The following PTPRA variants were observed in gnomAD, a reference collection of about 807,000 sequenced individuals.
PTPRA encodes the protein receptor-type tyrosine-protein phosphatase alpha.
A neutral mutation model predicts 104.8 loss-of-function variants in PTPRA; 25 were observed. The ratio of observed to expected loss-of-function variants is 0.24; its 90% CI spans 0.17 to 0.33. The LOEUF (loss-of-function observed/expected upper bound fraction) is 0.33. PTPRA is among the 10% of genes least tolerant of loss of function. PTPRA has a pLI of 1.00. For missense variants in PTPRA, 765 were observed against 1,015.3 expected (o/e 0.75, Z 3.35); for synonymous variants, 323 against 368.9 (o/e 0.88, Z 1.43).
At chr20:2,910,143 C>G (rs2147207484) in intron 1 of PTPRA, among the ~76,000 whole-genome samples, 2 of 100,232 alleles carry the variant, frequency 2.0e-5, no homozygotes, top group Non-Finnish European at 3.7e-5. Flanking sequence ...TATATAACAT[C>G]ATATATACTA....
At chr20:2,935,129 T>G (rs144415745) in intron 2 of PTPRA, among the ~76,000 whole-genome samples, 2 of 152,314 alleles carry the variant, frequency 1.3e-5, no homozygotes, top group African/African-American at 4.8e-5. Context: ...TTTGTGTCCT[T>G]TGTTCAGTAT....
rs1187486278 is a variant in PTPRA at position 2,895,072 on chromosome 20, G to GTTAT, written c.-129+21331_-129+21334dup. On this transcript the variant is annotated intron_variant, in intron 1 of 23. Coordinates refer to ENST00000399903, the MANE Select transcript of PTPRA (RefSeq NM_001385305.1). ...AGCCTAAATAACTATACTATTACTT[G>GTTAT]TTATTTATTTATTTATTTATTTTAG... Among the ~76,000 whole-genome samples, 949 of 151,252 alleles carry GTTAT rather than the reference G, an allele frequency of 6.3e-3. 9 individuals carry two copies. Among genetic ancestry groups the GTTAT allele is most frequent in the African/African-American group, 0.021 (880 of 41,216 alleles).
At chr20:2,965,487 C>T (rs1382133195) in intron 5 of PTPRA, among the ~76,000 whole-genome samples, 1 of 151,978 alleles carries the variant, frequency 6.6e-6, no homozygotes, top group Non-Finnish European at 1.5e-5. Flanking sequence ...AATAGAGGAG[C>T]TCATTGACGA....
intron 20 of PTPRA, among the ~76,000 whole-genome samples, chr20:3,030,859 T>C (rs888413163): frequency 6.6e-6 from 1 of 151,946 alleles, no homozygotes; most frequent in Admixed American, 6.6e-5. Context: ...CTAATTTCCA[T>C]AGTAGAGACA....
intron 1 of PTPRA, among the ~76,000 whole-genome samples, chr20:2,919,701 G>A (rs1310049978): frequency 2.0e-5 from 3 of 151,808 alleles, no homozygotes; most frequent in Non-Finnish European, 2.9e-5. Flanking sequence ...TCTCAGCTGG[G>A]GGAGGCCATA....
intron 1 of PTPRA, among the ~76,000 whole-genome samples, chr20:2,905,278 C>T (rs1340355965): frequency 2.0e-5 from 3 of 152,078 alleles, no homozygotes; most frequent in Non-Finnish European, 2.9e-5. Flanking sequence ...GATTGGAGAC[C>T]GCTGATAATA....
At chr20:2,918,382 G>A (rs528874166) in intron 1 of PTPRA, among the ~76,000 whole-genome samples, 8 of 152,254 alleles carry the variant, frequency 5.3e-5, no homozygotes, top group African/African-American at 1.7e-4. Flanking sequence ...TCAGGAGAGC[G>A]ATTTTCCTGT....
intron 20 of PTPRA, among the ~76,000 whole-genome samples, chr20:3,034,319 C>T (rs1381257615): frequency 1.3e-5 from 2 of 152,114 alleles, no homozygotes; most frequent in African/African-American, 4.8e-5. Context: ...AGTCCCTAGA[C>T]TTGATATGTA....
chr20:3,022,667 A>ACC lies in PTPRA; in HGVS notation c.1329-18_1329-17dup. ...ACAAGGCAGGCTGGCCATCCCTATA[A>ACC]CCCCCTGCTCTCTGGCTACAGTGCA... On this transcript the variant is annotated intron_variant, in intron 15 of 23. Coordinates refer to ENST00000399903, the MANE Select transcript of PTPRA (RefSeq NM_001385305.1). The surrounding 1 kb of genome is among the most constrained non-coding windows in gnomAD (Gnocchi z 4.6). 1 of 1,613,546 alleles carries ACC rather than the reference A, an allele frequency of 6.2e-7. No individual in the cohort carries two copies. Among genetic ancestry groups the ACC allele is most frequent in the Non-Finnish European group, 8.5e-7 (1 of 1,179,804 alleles).
At chr20:2,978,219 A>T (rs973368814) in intron 6 of PTPRA, among the ~76,000 whole-genome samples, 10 of 152,168 alleles carry the variant, frequency 6.6e-5, no homozygotes, top group Non-Finnish European at 1.5e-4. Context: ...TTTTAGAAAG[A>T]TATTCCAGAG....
Position 2,889,832 on chromosome 20 carries a change from G to A in PTPRA, c.-129+16072G>A, listed in dbSNP as rs984682717. On this transcript the variant is annotated intron_variant, in intron 1 of 23. Transcript: ENST00000399903. The stretch of plus-strand genomic sequence containing the variant: ...TGCTGTGCCTTTCCTTATGTTAAGA[G>A]TCCTGAATGTGGCATCAAAGGGGGA... 1.8e-4 allele frequency among the ~76,000 whole-genome samples: 28 copies of A among 152,188 alleles called. 1 individual carries two copies. Among genetic ancestry groups the A allele is most frequent in the African/African-American group, 6.5e-4 (27 of 41,532 alleles).
chr20:2,903,965 C>T (rs1005659691), intron 1 of PTPRA, among the ~76,000 whole-genome samples: 4 of 151,670 alleles, frequency 2.6e-5, no homozygotes, highest in African/African-American at 2.4e-5. Context: ...CGGGCAGTGG[C>T]GCAATCATGG....
chr20:2,901,948 C>A (rs540001346), intron 1 of PTPRA, among the ~76,000 whole-genome samples: 2 of 151,690 alleles, frequency 1.3e-5, no homozygotes, highest in African/African-American at 4.8e-5. Flanking sequence ...TGCAGTGGCG[C>A]AGTCTTAGCT....
intron 11 of PTPRA, among the ~76,000 whole-genome samples, chr20:3,011,374 A>G (rs1250793339): frequency 6.6e-6 from 1 of 152,236 alleles, no homozygotes; most frequent in African/African-American, 2.4e-5. Context: ...CTTAAAGGTT[A>G]CAGAGGTAAG....
intron 1 of PTPRA, among the ~76,000 whole-genome samples, chr20:2,876,775 G>A (rs149075876): frequency 1.9e-4 from 29 of 152,344 alleles, no homozygotes; most frequent in Non-Finnish European, 2.6e-4. Context: ...TTTCTGGGGG[G>A]TTGTACCAAT....
At chr20:2,886,555 A>G (rs1382026867) in intron 1 of PTPRA, among the ~76,000 whole-genome samples, 2 of 152,116 alleles carry the variant, frequency 1.3e-5, no homozygotes, top group Non-Finnish European at 2.9e-5. Context: ...TTAGAAATAG[A>G]AAAATGTGGC....
intron 9 of PTPRA, among the ~76,000 whole-genome samples, chr20:2,998,451 G>T (rs1157905325): frequency 1.3e-5 from 2 of 152,206 alleles, no homozygotes. Context: ...TCACAGTCCT[G>T]TGGGAATTAG....
At chr20:2,970,782 T>A (rs151247843) in intron 5 of PTPRA, among the ~76,000 whole-genome samples, 1 of 151,974 alleles carries the variant, frequency 6.6e-6, no homozygotes, top group East Asian at 1.9e-4. Context: ...TAAAAATAAT[T>A]TTCTTCTGGA....
upstream of PTPRA, among the ~76,000 whole-genome samples, chr20:2,871,332 G>A (rs1314215151): frequency 6.6e-6 from 1 of 152,086 alleles, no homozygotes; most frequent in Non-Finnish European, 1.5e-5. Context: ...GCACATGGTG[G>A]GGCTGGAAAC....
Sources: allele counts gnomAD v4.1 joint callset (sites outside exome capture counted in the v4.1 genomes callset), GRCh38; gene constraint gnomAD v4.1.1; non-coding constraint Gnocchi (gnomAD v3.1); transcripts MANE v1.5; gene names NCBI Gene and HGNC (gene_info 2026-07-23, HGNC 2026-07-21).